INPP4B: variants seen among roughly 807,000 people sequenced by gnomAD.
INPP4B encodes inositol polyphosphate-4-phosphatase type II B, also known as inositol polyphosphate 4-phosphatase type II.
Under a neutral mutation model 122.5 loss-of-function variants are expected in INPP4B, and 55 were observed. That is an observed-to-expected ratio of 0.45 (90% CI 0.36 to 0.56). INPP4B has a LOEUF of 0.56. Among genes scored for constraint, INPP4B ranks in the 20% least tolerant of loss-of-function variants. The pLI, the probability that INPP4B is intolerant of heterozygous loss-of-function variation, is 0.00. For missense variants in INPP4B, 1,000 were observed against 1,097.7 expected (o/e 0.91, Z 1.26); for synonymous variants, 403 against 388.7 (o/e 1.04, Z -0.43).
intron 2 of INPP4B, among the ~76,000 whole-genome samples, chr4:142,603,690 A>G (rs1300432362): frequency 6.6e-6 from 1 of 152,086 alleles, no homozygotes; most frequent in Non-Finnish European, 1.5e-5. Context: ...AAGCAGACCA[A>G]TAATGAGTAG....
chr4:142,691,828 G>T (rs1470984892), intron 2 of INPP4B, among the ~76,000 whole-genome samples: 3 of 152,124 alleles, frequency 2.0e-5, no homozygotes, highest in African/African-American at 7.2e-5. Flanking sequence ...ACAAGCAAAA[G>T]GCTTGAGTTC....
intron 25 of INPP4B, among the ~76,000 whole-genome samples, chr4:142,080,109 A>G (rs888589903): frequency 3.3e-5 from 5 of 152,112 alleles, no homozygotes; most frequent in Admixed American, 2.0e-4. Flanking sequence ...AGATGAGGAA[A>G]CTGAGAGGTA....
chr4:142,570,875 C>T (rs1732649160), intron 2 of INPP4B, among the ~76,000 whole-genome samples: 1 of 151,806 alleles, frequency 6.6e-6, no homozygotes, highest in African/African-American at 2.4e-5. Context: ...ACCCCTAAGA[C>T]ATATTAATAT....
intron 7 of INPP4B, among the ~76,000 whole-genome samples, chr4:142,386,131 A>C (rs1247974024): frequency 1.3e-5 from 2 of 152,104 alleles, no homozygotes; most frequent in Non-Finnish European, 2.9e-5. Flanking sequence ...GAGACCATGC[A>C]GATGTGTCTT....
chr4:142,408,231 T>C (rs1162293748), intron 5 of INPP4B, among the ~76,000 whole-genome samples: 1 of 149,556 alleles, frequency 6.7e-6, no homozygotes, highest in East Asian at 2.0e-4. Flanking sequence ...TAGCAGCCAA[T>C]AAAGAATCCT....
intron 23 of INPP4B, among the ~76,000 whole-genome samples, chr4:142,106,275 ATGT>A (rs757634326): frequency 6.6e-6 from 1 of 152,148 alleles, no homozygotes; most frequent in Admixed American, 6.6e-5. Flanking sequence ...ATAGAATCAC[ATGT>A]TGTTGTTGTT....
At chr4:142,723,468 A>G (rs532968219) in intron 2 of INPP4B, among the ~76,000 whole-genome samples, 46 of 152,242 alleles carry the variant, frequency 3.0e-4, no homozygotes, top group African/African-American at 1.1e-3. Flanking sequence ...AGTTCCCTCC[A>G]TCTTTGGATG....
At chr4:142,382,062 A>C (rs1794298807) in intron 7 of INPP4B, among the ~76,000 whole-genome samples, 1 of 152,150 alleles carries the variant, frequency 6.6e-6, no homozygotes, top group African/African-American at 2.4e-5. Context: ...TCTAATTCCC[A>C]ACATTCCTCT....
chr4:142,468,109 G>A (rs930166926), intron 2 of INPP4B: 5 of 152,034 alleles, frequency 3.3e-5, no homozygotes, highest in East Asian at 1.9e-4. Flanking sequence ...ACCCAGCTCC[G>A]AGTATTTCTT....
chr4:142,478,076 T>A (rs1820029614), intron 2 of INPP4B, among the ~76,000 whole-genome samples: 1 of 152,186 alleles, frequency 6.6e-6, no homozygotes, highest in African/African-American at 2.4e-5. Context: ...ATGCTGGGGT[T>A]ATAGGCACCC....
At chr4:142,644,453 G>T (rs1751273737) in intron 2 of INPP4B, among the ~76,000 whole-genome samples, 1 of 151,968 alleles carries the variant, frequency 6.6e-6, no homozygotes, top group African/African-American at 2.4e-5. Flanking sequence ...AATGGCTTCT[G>T]CTTAGATTAC....
chr4:142,286,617 C>T (rs1038833632), intron 9 of INPP4B, among the ~76,000 whole-genome samples: 8 of 152,206 alleles, frequency 5.3e-5, no homozygotes, highest in South Asian at 2.1e-4. Context: ...TGACTTAAAT[C>T]AGACTTCTTA....
At chr4:142,064,758 C>A (rs1223846685) in intron 25 of INPP4B, among the ~76,000 whole-genome samples, 1 of 151,970 alleles carries the variant, frequency 6.6e-6, no homozygotes, top group Non-Finnish European at 1.5e-5. Context: ...TTATAAAATT[C>A]TGTGAATTTA....
chr4:142,250,785 C>G (rs767863311), intron 11 of INPP4B, among the ~76,000 whole-genome samples: 16 of 151,996 alleles, frequency 1.1e-4, no homozygotes, highest in Admixed American at 5.2e-4. Flanking sequence ...CTGGGTGGTC[C>G]TCCAGGCTGA....
intron 2 of INPP4B, among the ~76,000 whole-genome samples, chr4:142,567,155 T>TA (rs1482203541): frequency 1.3e-5 from 2 of 152,212 alleles, no homozygotes; most frequent in African/African-American, 2.4e-5. Flanking sequence ...AGTCAGGAGC[T>TA]AGAGTTTTCG....
chr4:142,204,019 A>G (rs1453807604), intron 14 of INPP4B, among the ~76,000 whole-genome samples: 1 of 152,128 alleles, frequency 6.6e-6, no homozygotes, highest in African/African-American at 2.4e-5. Flanking sequence ...GTTATAAAAG[A>G]AAGTAGAAAA....
At position 142,267,890 on chromosome 4, in the gene INPP4B, TA is replaced by T. The variant is rs1346282611; in HGVS notation, c.615+2772del. 3.9e-5 allele frequency among the ~76,000 whole-genome samples: 6 copies of T among 151,978 alleles called. No individual in the cohort carries two copies. In the South Asian group the frequency reaches 8.3e-4, roughly 21 times the overall value. Reference sequence around the variant, plus strand: ...CCCAATAAAAAATGGACAAAGGACCTAAAAAACACTCGCAAAAGAAGACATA... The same window carrying T: ...CCCAATAAAAAATGGACAAAGGACCTAAAAACACTCGCAAAAGAAGACATA... On this transcript the variant is annotated intron_variant, in intron 10 of 25. Transcript: ENST00000262992.
At chr4:142,304,868 C>T (rs1005582585) in intron 9 of INPP4B, among the ~76,000 whole-genome samples, 2 of 152,078 alleles carry the variant, frequency 1.3e-5, no homozygotes, top group African/African-American at 2.4e-5. Flanking sequence ...TTATTTAACG[C>T]TCTTAGTAAT....
At chr4:142,649,281 G>C (rs1752441697) in intron 2 of INPP4B, among the ~76,000 whole-genome samples, 1 of 152,218 alleles carries the variant, frequency 6.6e-6, no homozygotes, top group East Asian at 1.9e-4. Flanking sequence ...GAACAGAAAA[G>C]CTGAAAATTC....
Sources: gnomAD v4.1 joint callset for allele counts (sites outside exome capture counted in the v4.1 genomes callset) on GRCh38, gnomAD v4.1.1 for gene constraint, MANE v1.5 for transcripts, NCBI Gene and HGNC (gene_info 2026-07-23, HGNC 2026-07-21) for gene names.